Variants in CCDC192 observed in about 807,000 individuals in gnomAD.
CCDC192 encodes the protein coiled-coil domain containing 192.
chr5:127,908,612 T>C (rs1753262932), intron 6 of CCDC192, among the ~76,000 whole-genome samples: 1 of 152,212 alleles, frequency 6.6e-6, no homozygotes, highest in Non-Finnish European at 1.5e-5. Flanking sequence ...CTGAGTTGAA[T>C]TTTTATACTG....
At chr5:127,774,203 G>T (rs182456743) in intron 3 of CCDC192, among the ~76,000 whole-genome samples, 2 of 151,842 alleles carry the variant, frequency 1.3e-5, no homozygotes, top group African/African-American at 4.8e-5. Context: ...CTCACATCTC[G>T]TAAGTTGTCT....
intron 5 of CCDC192, among the ~76,000 whole-genome samples, chr5:127,807,799 G>C (rs1260680664): frequency 6.6e-6 from 1 of 152,020 alleles, no homozygotes; most frequent in Non-Finnish European, 1.5e-5. Context: ...AAAAGAAGCA[G>C]GACTATCTAA....
intron 5 of CCDC192, among the ~76,000 whole-genome samples, chr5:127,859,739 C>G (rs1418097923): frequency 6.6e-6 from 1 of 152,090 alleles, no homozygotes; most frequent in Non-Finnish European, 1.5e-5. Context: ...TCTTAAATGT[C>G]CTTCCATATT....
intron 6 of CCDC192, among the ~76,000 whole-genome samples, chr5:127,895,650 G>T (rs558724009): frequency 6.6e-6 from 1 of 152,228 alleles, no homozygotes; most frequent in African/African-American, 2.4e-5. Context: ...GACCAGCCTG[G>T]CCAACATGAC....
At chr5:127,729,155 C>T (rs1475637521) in intron 2 of CCDC192, among the ~76,000 whole-genome samples, 2 of 152,076 alleles carry the variant, frequency 1.3e-5, no homozygotes, top group African/African-American at 4.8e-5. Context: ...GATCAGCCCA[C>T]CTCAGCCTCC....
chr5:127,773,291 A>G (rs960173578), intron 3 of CCDC192, among the ~76,000 whole-genome samples: 8 of 152,230 alleles, frequency 5.3e-5, no homozygotes, highest in African/African-American at 1.9e-4. Context: ...TAAAATTCAC[A>G]GAACTTAGAA....
intron 5 of CCDC192, chr5:127,838,399 C>T (rs528989072): frequency 6.6e-6 from 1 of 152,188 alleles, no homozygotes; most frequent in South Asian, 2.1e-4. Flanking sequence ...GAAAATAATA[C>T]CTCTTCGTCT....
intron 3 of CCDC192, among the ~76,000 whole-genome samples, chr5:127,782,537 A>C (rs911525214): frequency 2.0e-5 from 3 of 151,958 alleles, no homozygotes; most frequent in African/African-American, 7.3e-5. Context: ...TTCCTGATTT[A>C]AGCTAGGAAG....
Position 127,772,328 on chromosome 5 carries a change from C to T in CCDC192, c.222+17953C>T, listed in dbSNP as rs536651357. Among the ~76,000 whole-genome samples the T allele has an allele frequency of 7.9e-5, 12 of 152,000 alleles. No individual in the cohort carries two copies. In the South Asian group the frequency reaches 2.3e-3, roughly 29 times the overall value. The stretch of plus-strand genomic sequence containing the variant: ...ATACAGCATTAGCCAGGCGTGGTGG[C>T]GTGCACTGTAATCCCAGCTACTCTG... On this transcript the variant is annotated intron_variant, in intron 3 of 6. Transcript: ENST00000514853.
At chr5:127,921,300 G>C (rs1413218328) in intron 6 of CCDC192, among the ~76,000 whole-genome samples, 2 of 151,868 alleles carry the variant, frequency 1.3e-5, no homozygotes, top group African/African-American at 2.4e-5. Flanking sequence ...GACTGACAAG[G>C]TAGTTAAGTA....
At chr5:127,927,879 A>G (rs1214310939) in intron 6 of CCDC192, among the ~76,000 whole-genome samples, 2 of 150,368 alleles carry the variant, frequency 1.3e-5, no homozygotes, top group South Asian at 2.1e-4. Flanking sequence ...TGTTGCTGCT[A>G]TGACAAATTA....
At chr5:127,761,810 G>A (rs766527628) in intron 3 of CCDC192, among the ~76,000 whole-genome samples, 4 of 151,922 alleles carry the variant, frequency 2.6e-5, no homozygotes, top group African/African-American at 7.3e-5. Context: ...AACAAACAAC[G>A]CCCCACCAAA....
chr5:127,887,849 G>A (rs377016864), intron 6 of CCDC192, among the ~76,000 whole-genome samples: 29 of 149,796 alleles, frequency 1.9e-4, no homozygotes, highest in Non-Finnish European at 2.8e-4. Flanking sequence ...GACTACAGGC[G>A]CTCACCACCA....
chr5:127,726,355 C>T (rs578112430), intron 2 of CCDC192, among the ~76,000 whole-genome samples: 8 of 152,090 alleles, frequency 5.3e-5, no homozygotes, highest in Non-Finnish European at 1.0e-4. Context: ...AAAATTTCAG[C>T]GACACATTTA....
intron 6 of CCDC192, among the ~76,000 whole-genome samples, chr5:127,924,150 G>A (rs149849501): frequency 6.6e-6 from 1 of 152,298 alleles, no homozygotes; most frequent in Non-Finnish European, 1.5e-5. Flanking sequence ...GCTAATCTGA[G>A]TCCTAAAGAG....
chr5:127,775,858 C>T (rs943600752), intron 3 of CCDC192, among the ~76,000 whole-genome samples: 8 of 152,210 alleles, frequency 5.3e-5, no homozygotes, highest in Non-Finnish European at 1.2e-4. Flanking sequence ...CACAAGCTCT[C>T]TTTTTGCTGG....
intron 6 of CCDC192, among the ~76,000 whole-genome samples, chr5:127,927,937 CTTTT>C (rs1271788889): frequency 3.6e-3 from 422 of 117,700 alleles, no homozygotes; most frequent in African/African-American, 0.013. Flanking sequence ...TCTTATAGTT[CTTTT>C]TTTTTTTTTT....
intron 6 of CCDC192, among the ~76,000 whole-genome samples, chr5:127,878,517 A>G (rs10042555): frequency 0.7 from 106,986 of 152,102 alleles, 37,902 homozygotes; most frequent in African/African-American, 0.79. Flanking sequence ...CTAGCCAGGC[A>G]TGGTGATGCA....
intron 5 of CCDC192, among the ~76,000 whole-genome samples, chr5:127,825,070 CA>C (rs1467571700): frequency 6.6e-5 from 10 of 152,018 alleles, no homozygotes; most frequent in African/African-American, 1.7e-4. Flanking sequence ...TCTTAGAAAA[CA>C]AAAAACTAAG....
Sources: allele counts gnomAD v4.1 joint callset (sites outside exome capture counted in the v4.1 genomes callset), GRCh38; gene constraint gnomAD v4.1.1; transcripts MANE v1.5; gene names NCBI Gene and HGNC (gene_info 2026-07-23, HGNC 2026-07-21).